UBE2E1: variants seen among roughly 807,000 people sequenced by gnomAD.
The protein encoded by UBE2E1 is ubiquitin conjugating enzyme E2 E1.
In UBE2E1, 6 loss-of-function variants were observed where a neutral mutation model predicts 21.4. The ratio of observed to expected loss-of-function variants is 0.28; its 90% CI spans 0.15 to 0.55. The LOEUF is 0.55. Among genes scored for constraint, UBE2E1 ranks in the 20% least tolerant of loss-of-function variants. The pLI is 0.93. For missense variants in UBE2E1, 142 were observed against 236.5 expected (o/e 0.60, Z 2.62); for synonymous variants, 87 against 82.7 (o/e 1.05, Z -0.28).
intron 3 of UBE2E1, among the ~76,000 whole-genome samples, chr3:23,850,888 G>T (rs533025819): frequency 7.2e-6 from 1 of 138,618 alleles, no homozygotes; most frequent in Admixed American, 7.6e-5. Context: ...CGTGTTGCCC[G>T]TTGCCCAGAT....
chr3:23,838,118 AGTG>A (rs1409562231), intron 3 of UBE2E1, among the ~76,000 whole-genome samples: 5 of 152,030 alleles, frequency 3.3e-5, no homozygotes, highest in African/African-American at 1.2e-4. Context: ...CCCAGGCTAT[AGTG>A]CAGTGGCACA....
rs1309881387 is a variant in UBE2E1, at chr3:23,870,523, C to T, written c.204-17044C>T. Reference sequence around the variant, plus strand: ...GATAGGGGTAGCTAGAACTTGGCCACAGCACACCAGAATCCTAAGGGATGT... The same window carrying T: ...GATAGGGGTAGCTAGAACTTGGCCATAGCACACCAGAATCCTAAGGGATGT... On this transcript the variant is annotated intron_variant, in intron 3 of 5. Transcript: ENST00000306627. The surrounding 1 kb of genome is among the most constrained non-coding windows in gnomAD (Gnocchi z 4.2). Among the ~76,000 whole-genome samples, 1 of 152,152 alleles carries T rather than the reference C, an allele frequency of 6.6e-6. No individual in the cohort carries two copies. The highest frequency in any genetic ancestry group is 6.5e-5 in the Admixed American group (1 of 15,272).
chr3:23,859,910 A>G (rs903555772), intron 3 of UBE2E1, among the ~76,000 whole-genome samples: 2 of 152,226 alleles, frequency 1.3e-5, no homozygotes, highest in Non-Finnish European at 2.9e-5. Flanking sequence ...TAAAGCATAT[A>G]AGGATTTATT....
intron 3 of UBE2E1, among the ~76,000 whole-genome samples, chr3:23,860,687 A>G (rs772114104): frequency 6.6e-6 from 1 of 152,180 alleles, no homozygotes; most frequent in African/African-American, 2.4e-5. Flanking sequence ...TTTCCCATAC[A>G]CTTACCTCTT....
chr3:23,875,739 T>A (rs1700900476), intron 3 of UBE2E1, among the ~76,000 whole-genome samples: 1 of 152,220 alleles, frequency 6.6e-6, no homozygotes, highest in Admixed American at 6.5e-5. Context: ...CCCCACCGTG[T>A]TCCAGTATAA....
chr3:23,879,618 T>C, intron 3 of UBE2E1: 1 of 219,756 alleles, frequency 4.6e-6, no homozygotes, highest in Non-Finnish European at 9.3e-6. Context: ...TCAGCGTCTG[T>C]CCTAACATCT....
chr3:23,827,344 T>C (rs1019515594), intron 3 of UBE2E1, among the ~76,000 whole-genome samples: 5 of 152,260 alleles, frequency 3.3e-5, no homozygotes, highest in Non-Finnish European at 7.3e-5. Context: ...ATTTATGATA[T>C]TCTGGACAGC....
rs1420432853 is a variant in UBE2E1 at position 23,870,729 on chromosome 3, G to A, written c.204-16838G>A. On this transcript the variant is annotated intron_variant, in intron 3 of 5. Transcript: ENST00000306627. This position sits in a 1 kb window ranked among gnomAD's most constrained non-coding sequence, Gnocchi z 4.2. ...ATTCTTGGGTGTTTCTCGCAGAGGG[G>A]TATTTGGCAGGGTCATAGGACAATA... 6.6e-6 allele frequency among the ~76,000 whole-genome samples: 1 copy of A among 151,890 alleles called. No homozygotes were observed. The highest frequency in any genetic ancestry group is 1.5e-5 in the Non-Finnish European group (1 of 67,970).
chr3:23,812,748 T>C lies in UBE2E1; in HGVS notation c.203+1238T>C, dbSNP rs148532358. 1.0e-3 allele frequency among the ~76,000 whole-genome samples: 158 copies of C among 152,284 alleles called. 1 individual carries two copies. The highest frequency in any genetic ancestry group is 3.7e-3 in the African/African-American group (152 of 41,552). Reference sequence around the variant, plus strand: ...AAAAACCATAAGACTTAGGCCTAACTCATTATTTTGATGGTGGTGGTTCAC... The same window carrying C: ...AAAAACCATAAGACTTAGGCCTAACCCATTATTTTGATGGTGGTGGTTCAC... On this transcript the variant is annotated intron_variant, in intron 3 of 5. Coordinates refer to ENST00000306627, the MANE Select transcript of UBE2E1 (RefSeq NM_003341.5).
At position 23,810,374 on chromosome 3, in the gene UBE2E1, C is replaced by T; in HGVS notation, c.153-1086C>T. 1 of 1,502,440 alleles carries T rather than the reference C, an allele frequency of 6.7e-7. No individual in the cohort carries two copies. 93.1% of individuals were successfully genotyped at this position (1,502,440 alleles called of 1,614,324 possible). On this transcript the variant is annotated intron_variant, in intron 2 of 5. Transcript: ENST00000306627. The surrounding 1 kb of genome is among the most constrained non-coding windows in gnomAD (Gnocchi z 5.8). ...GTGTGAACTGCCTGGTGGCTTCGGC[C>T]TATGAGTGGGGGATGGGGCCCTTTG... is the stretch of plus-strand genomic sequence containing the variant.
rs139381080 is a variant in UBE2E1, at chr3:23,867,650, G to C, written c.204-19917G>C. Among the ~76,000 whole-genome samples the C allele has an allele frequency of 3.3e-5, 5 of 152,298 alleles. No homozygotes were observed. In the East Asian group the frequency reaches 9.6e-4, roughly 29 times the overall value. The stretch of plus-strand genomic sequence containing the variant: ...TTCAAAATCAGATTTGCATCCTGCT[G>C]TTGGAGTACACTTGAGCCCTTTCAT... On this transcript the variant is annotated intron_variant, in intron 3 of 5. Coordinates refer to ENST00000306627, the MANE Select transcript of UBE2E1 (RefSeq NM_003341.5).
At chr3:23,862,987 A>G (rs966088591) in intron 3 of UBE2E1, among the ~76,000 whole-genome samples, 2 of 152,062 alleles carry the variant, frequency 1.3e-5, no homozygotes, top group Middle Eastern at 3.4e-3. Context: ...TGGCCTCCCA[A>G]TAGTTTTCAT....
rs117374607 is a variant in UBE2E1 at position 23,877,705 on chromosome 3, A to G, written c.204-9862A>G. On this transcript the variant is annotated intron_variant, in intron 3 of 5. Transcript: ENST00000306627. ...GAATGATGTACTTTATGTAAGTGAC[A>G]TAGAAGCTTATCATGAAGCTTCCAC... 6.4e-4 allele frequency among the ~76,000 whole-genome samples: 98 copies of G among 152,350 alleles called. 1 individual carries two copies. The East Asian group carries it at 0.016, about 25-fold the overall frequency.
chr3:23,823,538 C>T lies in UBE2E1; in HGVS notation c.203+12028C>T, dbSNP rs1276394600. 2.0e-5 allele frequency among the ~76,000 whole-genome samples: 3 copies of T among 152,176 alleles called. No homozygotes were observed. Among genetic ancestry groups the T allele is most frequent in the Non-Finnish European group, 2.9e-5 (2 of 68,026 alleles). ...TTTCCTCCTCTATGGGGGTACATCT[C>T]AATTTTTAAGTTAATATATTAGAAT... On this transcript the variant is annotated intron_variant, in intron 3 of 5. Transcript: ENST00000306627. This position sits in a 1 kb window ranked among gnomAD's most constrained non-coding sequence, Gnocchi z 4.2.
In UBE2E1 at chr3:23,816,600, A is replaced by G. The variant is rs1699524348; in HGVS notation, c.203+5090A>G. 6.6e-6 allele frequency among the ~76,000 whole-genome samples: 1 copy of G among 152,080 alleles called. No homozygotes were observed. The highest frequency in any genetic ancestry group is 6.6e-5 in the Admixed American group (1 of 15,262). ...CGGGCACCTGTAGTCCCAGCTACTC[A>G]GGAGGCTGAGGCAGGAGAATGGTGT... is the stretch of plus-strand genomic sequence containing the variant. On this transcript the variant is annotated intron_variant, in intron 3 of 5. Transcript: ENST00000306627. The surrounding 1 kb of genome is among the most constrained non-coding windows in gnomAD (Gnocchi z 4.8).
At chr3:23,821,890 G>A (rs987664077) in intron 3 of UBE2E1, among the ~76,000 whole-genome samples, 2 of 151,502 alleles carry the variant, frequency 1.3e-5, no homozygotes, top group African/African-American at 4.8e-5. Context: ...TTAGACATAG[G>A]TAATTGGAGC....
rs1238165062 is a variant in UBE2E1 at position 23,836,288 on chromosome 3, T to C, written c.203+24778T>C. 2.0e-5 allele frequency among the ~76,000 whole-genome samples: 3 copies of C among 152,206 alleles called. No homozygotes were observed. The highest frequency in any genetic ancestry group is 4.4e-5 in the Non-Finnish European group (3 of 68,050). ...ATTCATGAATTTAGGAAATAACTGA[T>C]TTAGAATGCTATATAAAAAAAGAGT... On this transcript the variant is annotated intron_variant, in intron 3 of 5. Transcript: ENST00000306627. The surrounding 1 kb of genome is among the most constrained non-coding windows in gnomAD (Gnocchi z 4.1).
intron 3 of UBE2E1, among the ~76,000 whole-genome samples, chr3:23,860,463 A>C (rs1700529517): frequency 6.6e-6 from 1 of 152,100 alleles, no homozygotes; most frequent in African/African-American, 2.4e-5. Context: ...TAGTTAACAA[A>C]ATTCTGAGAG....
At chr3:23,885,009 A>C (rs1017438564) in intron 3 of UBE2E1, among the ~76,000 whole-genome samples, 1 of 152,220 alleles carries the variant, frequency 6.6e-6, no homozygotes. Flanking sequence ...TCAGTTTGCT[A>C]TAACAAAGTA....
Sources: gnomAD v4.1 joint callset for allele counts (sites outside exome capture counted in the v4.1 genomes callset) on GRCh38, gnomAD v4.1.1 for gene constraint, Gnocchi (gnomAD v3.1) non-coding constraint, MANE v1.5 for transcripts, NCBI Gene and HGNC (gene_info 2026-07-23, HGNC 2026-07-21) for gene names.